Variants in BAIAP2L1 observed in about 807,000 individuals in gnomAD.
BAIAP2L1 encodes the protein BAR/IMD domain containing adaptor protein 2 like 1.
BAIAP2L1 carries 35 observed loss-of-function variants against 66.3 expected under a neutral mutation model. The observed-to-expected ratio is 0.53, with a 90% CI of 0.40 to 0.70. The LOEUF (loss-of-function observed/expected upper bound fraction) is 0.70. BAIAP2L1 is among the 30% of genes least tolerant of loss of function. The probability of loss-of-function intolerance (pLI) is 0.00; values close to 1 mark genes in which losing one functional copy is unlikely to be tolerated. For missense variants in BAIAP2L1, 622 were observed against 656.9 expected, an observed-to-expected ratio of 0.95 and a Z score of 0.58; for synonymous variants, 269 against 248.7, an observed-to-expected ratio of 1.08 and a Z score of -0.77.
intron 3 of BAIAP2L1, among the ~76,000 whole-genome samples, chr7:98,349,194 G>C (rs555289256): frequency 6.6e-6 from 1 of 152,218 alleles, no homozygotes; most frequent in East Asian, 1.9e-4. Context: ...TTACCCTTAG[G>C]GCCTATCAGC....
intron 3 of BAIAP2L1, among the ~76,000 whole-genome samples, chr7:98,336,431 T>C (rs1473780601): frequency 1.3e-5 from 2 of 151,976 alleles, no homozygotes; most frequent in Non-Finnish European, 2.9e-5. Flanking sequence ...CTGGCCAACA[T>C]GGTGAAAAAC....
chr7:98,366,412 C>T (rs113046831), intron 1 of BAIAP2L1, among the ~76,000 whole-genome samples: 6 of 152,204 alleles, frequency 3.9e-5, no homozygotes, highest in South Asian at 2.1e-4. Context: ...CCACCTTCTG[C>T]GGCCCAGTCC....
intron 2 of BAIAP2L1, among the ~76,000 whole-genome samples, chr7:98,356,406 G>T (rs998661812): frequency 2.3e-4 from 35 of 152,264 alleles, no homozygotes; most frequent in Admixed American, 7.9e-4. Context: ...CACAGTTTTG[G>T]AGCTAAAAGA....
chr7:98,329,144 G>A (rs976813006), intron 3 of BAIAP2L1, among the ~76,000 whole-genome samples: 49 of 152,144 alleles, frequency 3.2e-4, no homozygotes, highest in African/African-American at 1.1e-3. Flanking sequence ...ACTCCAGCAC[G>A]TCTAAGAGCT....
chr7:98,331,330 T>C (rs1801489752), intron 3 of BAIAP2L1, among the ~76,000 whole-genome samples: 1 of 151,974 alleles, frequency 6.6e-6, no homozygotes, highest in African/African-American at 2.4e-5. Flanking sequence ...TGTAATAATA[T>C]GAGAATCTTC....
Position 98,317,128 on chromosome 7 carries a change from C to CA in BAIAP2L1, c.486+90dup, listed in dbSNP as rs1801098271. On this transcript the variant is annotated intron_variant, in intron 6 of 13. Transcript: ENST00000005260. Reference sequence around the variant, plus strand: ...TCGGCCTCCCAAAGTGCTGGGATTACAGGCGTGAGCCACCGCACCCGGCTA... The same window carrying CA: ...TCGGCCTCCCAAAGTGCTGGGATTACAAGGCGTGAGCCACCGCACCCGGCTA... 2.0e-6 allele frequency: 3 copies of CA among 1,523,492 alleles called. No homozygotes were observed. The South Asian group carries it at 3.5e-5, about 18-fold the overall frequency. The allele number at this position is 1,523,492 out of a possible 1,614,324, so 94.4% of individuals were successfully genotyped here.
chr7:98,376,773 G>GGTGAGCTGAGATTATGCCATC (rs2115786131), intron 1 of BAIAP2L1, among the ~76,000 whole-genome samples: 2 of 151,948 alleles, frequency 1.3e-5, no homozygotes, highest in African/African-American at 4.8e-5. Flanking sequence ...TGCAGGTTGC[G>GGTGAGCTGAGATTATGCCATC]GTGAGCTGAG....
At chr7:98,386,693 G>GTTTTTTTTTTTTTTTTTTTTTTTTTT (rs71112150) in intron 1 of BAIAP2L1, 1 of 155,918 alleles carries the variant, frequency 6.4e-6, no homozygotes, top group Non-Finnish European at 1.1e-5. Context: ...CTTTCCAAAG[G>GTTTTTTTTTTTTTTTTTTTTTTTTTT]TTTTTTTTTT....
chr7:98,322,294 C>A (rs1388186055), intron 3 of BAIAP2L1, among the ~76,000 whole-genome samples: 1 of 152,150 alleles, frequency 6.6e-6, no homozygotes. Flanking sequence ...CACTGGCCAC[C>A]CAGGCTTCCC....
chr7:98,380,078 CTTT>C (rs113115306), intron 1 of BAIAP2L1, among the ~76,000 whole-genome samples: 4 of 140,302 alleles, frequency 2.9e-5, no homozygotes, highest in African/African-American at 5.2e-5. Context: ...CTCAAAAATG[CTTT>C]TTTTTTTTTT....
intron 3 of BAIAP2L1, among the ~76,000 whole-genome samples, chr7:98,352,413 G>A (rs1055946454): frequency 4.6e-5 from 7 of 152,142 alleles, no homozygotes; most frequent in African/African-American, 1.2e-4. Flanking sequence ...AGGCGTAGGC[G>A]GGTGGGTCAC....
In BAIAP2L1 at chr7:98,291,832, CAA is replaced by C. The variant is rs1012964185; in HGVS notation, c.*1687_*1688del. On this transcript the variant is annotated 3_prime_UTR_variant, in exon 14 of 14. Coordinates refer to ENST00000005260, the MANE Select transcript of BAIAP2L1 (RefSeq NM_018842.5). The stretch of plus-strand genomic sequence containing the variant: ...CAGGTCCTATTCTTCCACCCCGTAA[CAA>C]AACCAGAAACCTCCCCAAGGCAGAA... The C allele has an allele frequency of 5.9e-5, 9 of 153,020 alleles. No individual in the cohort carries two copies. Among genetic ancestry groups the C allele is most frequent in the African/African-American group, 2.2e-4 (9 of 41,466 alleles). The allele number at this position is 153,020 out of a possible 1,614,324, so 9.5% of individuals were successfully genotyped here.
chr7:98,362,561 T>A, intron 1 of BAIAP2L1, 129 bp from the exon 2 acceptor site: 1 of 707,242 alleles, frequency 1.4e-6, no homozygotes, highest in East Asian at 2.8e-5. Flanking sequence ...TAATGAATGC[T>A]GATGTAAAAA....
At chr7:98,389,933 T>TTTTTTTTTTTTTTAGG (rs71292947) in intron 1 of BAIAP2L1, among the ~76,000 whole-genome samples, 1 of 150,732 alleles carries the variant, frequency 6.6e-6, no homozygotes. Flanking sequence ...TTTTTTTTTT[T>TTTTTTTTTTTTTTAGG]GAGAGGTAGT....
intron 1 of BAIAP2L1, among the ~76,000 whole-genome samples, chr7:98,381,308 T>C (rs1802755586): frequency 6.6e-6 from 1 of 152,218 alleles, no homozygotes; most frequent in South Asian, 2.1e-4. Context: ...AATTTCATTA[T>C]GACATAATCA....
At chr7:98,297,467 T>G (rs927466670) in intron 12 of BAIAP2L1, among the ~76,000 whole-genome samples, 1 of 152,160 alleles carries the variant, frequency 6.6e-6, no homozygotes, top group African/African-American at 2.4e-5. Context: ...ACAGGGCCAG[T>G]GCAGGTGGCC....
intron 7 of BAIAP2L1, 28 bp downstream of exon 7, chr7:98,315,432 G>T (rs2107716): frequency 1.4e-6 from 2 of 1,379,884 alleles, no homozygotes; most frequent in South Asian, 2.0e-5. Context: ...TTATTAATAC[G>T]CTCAAGGCAA....
intron 9 of BAIAP2L1, 37 bp from the exon 10 acceptor site, chr7:98,307,933 G>A (rs1204692293): frequency 1.3e-6 from 2 of 1,598,746 alleles, no homozygotes; most frequent in African/African-American, 2.7e-5. Flanking sequence ...GCTTTTCAAA[G>A]CATGAGAATC....
At chr7:98,392,940 C>G (rs1005013234) in intron 1 of BAIAP2L1, among the ~76,000 whole-genome samples, 3 of 139,632 alleles carry the variant, frequency 2.1e-5, no homozygotes, top group African/African-American at 5.1e-5. Context: ...TTACAGGCAC[C>G]CGCCACCACG....
Sources: allele counts gnomAD v4.1 joint callset (sites outside exome capture counted in the v4.1 genomes callset), GRCh38; gene constraint gnomAD v4.1.1; transcripts MANE v1.5; gene names NCBI Gene and HGNC (gene_info 2026-07-23, HGNC 2026-07-21).